Variants in EIF3G observed in about 807,000 individuals in gnomAD.
EIF3G encodes the protein eukaryotic translation initiation factor 3 RNA-binding subunit.
Under a neutral mutation model 41.7 loss-of-function variants are expected in EIF3G, and 10 were observed. The ratio of observed to expected loss-of-function variants is 0.24; its 90% CI spans 0.15 to 0.41. EIF3G has a LOEUF of 0.41. Among genes scored for constraint, EIF3G ranks in the 10% least tolerant of loss-of-function variants. The pLI, the probability that EIF3G is intolerant of heterozygous loss-of-function variation, is 1.00. For missense variants in EIF3G, 297 were observed against 444.0 expected, an observed-to-expected ratio of 0.67 and a Z score of 2.98; for synonymous variants, 204 against 172.5, an observed-to-expected ratio of 1.18 and a Z score of -1.43.
At position 10,118,681 on chromosome 19, in the gene EIF3G, A is replaced by G. The variant is rs757468530; in HGVS notation, c.287T>C (p.Val96Ala). ...RIETRKASKA[V>A]ARRKNWKKFG... ...GAAGAGCCTCACCTTCCTCCTTGCG[A>G]CAGCCTTTGAAGCCTTCCGGGTCTC... The change falls in exon 5 of 11, where the codon GTC becomes GCC. Residue 96 changes from valine (V) to alanine (A), a missense_variant. Physicochemically the swap from Val to Ala is moderately conservative, Grantham distance 64 (BLOSUM62 0). Coordinates refer to ENST00000253108, the MANE Select transcript of EIF3G (RefSeq NM_003755.5). The G allele has an allele frequency of 1.5e-5, 24 of 1,613,854 alleles. No individual in the cohort carries two copies. In the Admixed American group the frequency reaches 3.2e-4, roughly 21 times the overall value.
At chr19:10,118,581 A>G (rs79999030) in intron 5 of EIF3G, 87 bp downstream of exon 5, 4 of 1,356,536 alleles carry the variant, frequency 2.9e-6, no homozygotes, top group African/African-American at 1.5e-5. Flanking sequence ...AAAAAAAAAA[A>G]AGAGTTAAGC....
Position 10,116,308 on chromosome 19 carries a change from A to T in EIF3G, c.596-234T>A. 1 of 584,508 alleles carries T rather than the reference A, an allele frequency of 1.7e-6. No homozygotes were observed. The highest frequency in any genetic ancestry group is 2.0e-5 in the South Asian group (1 of 49,368). 36.2% of individuals were successfully genotyped at this position (584,508 alleles called of 1,614,324 possible). A position where few individuals can be genotyped will look rare whatever the true frequency, so the allele number is the denominator to read the frequency against. ...GGAGGAGGAGCCCCGACCCCACCCC[A>T]GAGAGGGCGGGAGGACAACAGGGGC... On this transcript the variant is annotated intron_variant, in intron 7 of 10. Transcript: ENST00000253108. The surrounding 1 kb of genome is among the most constrained non-coding windows in gnomAD (Gnocchi z 4.1).
In EIF3G at chr19:10,115,078, C is replaced by T; in HGVS notation, c.*36G>A. The T allele has an allele frequency of 1.2e-6, 2 of 1,613,756 alleles. No individual in the cohort carries two copies. Among genetic ancestry groups the T allele is most frequent in the Non-Finnish European group, 1.7e-6 (2 of 1,179,958 alleles). On this transcript the variant is annotated 3_prime_UTR_variant, in exon 11 of 11. Coordinates refer to ENST00000253108, the MANE Select transcript of EIF3G (RefSeq NM_003755.5). ...GCTCTCGGAGGCTGTCTTCTGTCGCCAAGGGTCCCGGACCGAGTACACAGT... is the reference window on the plus strand; with the variant it reads ...GCTCTCGGAGGCTGTCTTCTGTCGCTAAGGGTCCCGGACCGAGTACACAGT...
rs1346078472 is a variant in EIF3G at position 10,119,854 on chromosome 19, A to T, written c.6T>A (p.Pro2=). M[P]TGDFDSKPSW... ...CGCCGACTCACTCAAAGTCTCCAGT[A>T]GGCATCGCAAAAAGTATTCTCCACG... Residue 2 remains proline (P), a synonymous_variant, in exon 1 of 11, where the codon CCT becomes CCA. Transcript: ENST00000253108. 6.2e-7 allele frequency: 1 copy of T among 1,614,178 alleles called. No homozygotes were observed.
At chr19:10,115,892 T>G (rs1018700772) in intron 8 of EIF3G, 72 bp from the exon 9 acceptor site, 11 of 1,601,718 alleles carry the variant, frequency 6.9e-6, no homozygotes, top group Admixed American at 5.0e-5. Context: ...CCAGCCCTCG[T>G]GTGCACGCTT....
At chr19:10,115,195 T>A (rs1453244102) in intron 10 of EIF3G, 66 bp from the exon 11 acceptor site, 2 of 1,587,492 alleles carry the variant, frequency 1.3e-6, no homozygotes, top group Non-Finnish European at 1.7e-6. Flanking sequence ...GACACCCAAG[T>A]GGCATCTTGG....
At chr19:10,119,769 C>G in intron 1 of EIF3G, 69 bp from the exon 2 acceptor site, 5 of 1,614,000 alleles carry the variant, frequency 3.1e-6, no homozygotes, top group East Asian at 2.2e-5. Flanking sequence ...CCTCGGCGTA[C>G]CCAGGCCCCA....
chr19:10,119,313 TG>T (rs2089286260), intron 2 of EIF3G, 142 bp from the exon 3 acceptor site: 2 of 968,566 alleles, frequency 2.1e-6, no homozygotes, highest in African/African-American at 3.2e-5. Flanking sequence ...GGCAACGCAC[TG>T]GGATGGCCCT....
In EIF3G at chr19:10,115,999, C is replaced by T. The variant is rs781549844; in HGVS notation, c.671G>A (p.Arg224His). 17 of 1,613,348 alleles carry T rather than the reference C, an allele frequency of 1.1e-5. No homozygotes were observed. Among genetic ancestry groups the T allele is most frequent in the African/African-American group, 1.3e-5 (1 of 74,938 alleles). ...GTTGGGCTGCATGGACTCCCCGCGG[C>T]GGCTGGCCCCGTCGCGCAGGCTCGG... ...VPPSLRDGAS[R>H]RGESMQPNRR... The change falls in exon 8 of 11, where the codon CGC becomes CAC. Residue 224 changes from arginine (R) to histidine (H), a missense_variant. By Grantham distance (29) the Arg-to-His change is conservative. Coordinates refer to ENST00000253108, the MANE Select transcript of EIF3G (RefSeq NM_003755.5).
rs777767578 is a variant in EIF3G, at chr19:10,117,027, A to G, written c.406-38T>C. The stretch of plus-strand genomic sequence containing the variant: ...GGTTGGGGGGAGCTCAGAGGCGGCT[A>G]AGGCACCCCCTTTGCCCCACCCCAG... On this transcript the variant is annotated intron_variant, in intron 6 of 10. Coordinates refer to ENST00000253108, the MANE Select transcript of EIF3G (RefSeq NM_003755.5). 5.6e-6 allele frequency: 9 copies of G among 1,603,302 alleles called. No individual in the cohort carries two copies. In the Admixed American group the frequency reaches 1.5e-4, roughly 27 times the overall value.
Position 10,119,191 on chromosome 19 carries a change from AAGG to A in EIF3G, c.68-23_68-21del, listed in dbSNP as rs754892821. On this transcript the variant is annotated intron_variant, in intron 2 of 10. Transcript: ENST00000253108. ...ATTTGTCTGCAAAAGGCAGCGTAGG[AAGG>A]AGGAGTCAGCTCCAGGGGCAGGAGC... 73 of 1,561,976 alleles carry A rather than the reference AAGG, an allele frequency of 4.7e-5. No individual in the cohort carries two copies. Among genetic ancestry groups the A allele is most frequent in the Non-Finnish European group, 6.2e-5 (71 of 1,152,166 alleles).
chr19:10,117,856 A>G (rs2089272887), intron 5 of EIF3G, among the ~76,000 whole-genome samples: 1 of 152,056 alleles, frequency 6.6e-6, no homozygotes, highest in Non-Finnish European at 1.5e-5. Flanking sequence ...GGAGCTGGAG[A>G]CCAGCCTGGG....
In EIF3G at chr19:10,119,893, G is replaced by T. The variant is rs773803183; in HGVS notation, c.-34C>A. The T allele has an allele frequency of 1.2e-6, 2 of 1,614,062 alleles. No homozygotes were observed. Among genetic ancestry groups the T allele is most frequent in the Non-Finnish European group, 1.7e-6 (2 of 1,180,038 alleles). On this transcript the variant is annotated 5_prime_UTR_variant, in exon 1 of 11. Transcript: ENST00000253108. ...GTATTCTCCACGCAGCCCAAGCCCG[G>T]CCAGAGAGCGGAAGCGGGCGAAAAC...
chr19:10,117,410 A>G, intron 5 of EIF3G: 1 of 547,562 alleles, frequency 1.8e-6, no homozygotes. Context: ...CTCCGGGTCC[A>G]GGTGACAGCT....
At chr19:10,115,248 G>C in intron 10 of EIF3G, 119 bp from the exon 11 acceptor site, 1 of 1,356,516 alleles carries the variant, frequency 7.4e-7, no homozygotes. Context: ...GACGAAGCGG[G>C]CACGGAGCCA....
In EIF3G at chr19:10,117,237, G is replaced by A. The variant is rs926912253; in HGVS notation, c.301-49C>T. 6.9e-6 allele frequency: 10 copies of A among 1,447,620 alleles called. No homozygotes were observed. In the Admixed American group the frequency reaches 1.5e-4, roughly 22 times the overall value. The allele number at this position is 1,447,620 out of a possible 1,614,324, so 89.7% of individuals were successfully genotyped here. On this transcript the variant is annotated intron_variant, in intron 5 of 10. Coordinates refer to ENST00000253108, the MANE Select transcript of EIF3G (RefSeq NM_003755.5). Reference sequence around the variant, plus strand: ...ACAGTTGAGGGCAGGGGCAGGCTGGGTTCCACAGTGGGGTGCCCTAGACCT... The same window carrying A: ...ACAGTTGAGGGCAGGGGCAGGCTGGATTCCACAGTGGGGTGCCCTAGACCT...
intron 5 of EIF3G, 97 bp downstream of exon 5, chr19:10,118,564 CAAAAAAA>C: frequency 8.8e-6 from 8 of 913,810 alleles, no homozygotes; most frequent in South Asian, 4.7e-5. Flanking sequence ...CACTCTGTCT[CAAAAAAA>C]AAAAAAAAAA....
chr19:10,116,629 G>C lies in EIF3G; in HGVS notation c.595+171C>G. ...GCTGCCAAGTCGCACATATATGGGAGACGCCCGTCTCCCAACCATAGGAGG... is the reference window on the plus strand; with the variant it reads ...GCTGCCAAGTCGCACATATATGGGACACGCCCGTCTCCCAACCATAGGAGG... On this transcript the variant is annotated intron_variant, in intron 7 of 10. Coordinates refer to ENST00000253108, the MANE Select transcript of EIF3G (RefSeq NM_003755.5). This position sits in a 1 kb window ranked among gnomAD's most constrained non-coding sequence, Gnocchi z 4.1. 1 of 641,802 alleles carries C rather than the reference G, an allele frequency of 1.6e-6. No homozygotes were observed. Among genetic ancestry groups the C allele is most frequent in the Non-Finnish European group, 2.6e-6 (1 of 379,034 alleles). The allele number at this position is 641,802 out of a possible 1,614,324, so 39.8% of individuals were successfully genotyped here.
chr19:10,119,560 G>A (rs773695565), intron 2 of EIF3G, 94 bp downstream of exon 2: 16 of 1,428,614 alleles, frequency 1.1e-5, no homozygotes, highest in African/African-American at 1.4e-5. Context: ...AGACCGTGAC[G>A]GGGTACACGG....
Sources: gnomAD v4.1 joint callset for allele counts (sites outside exome capture counted in the v4.1 genomes callset) on GRCh38, gnomAD v4.1.1 for gene constraint, Gnocchi (gnomAD v3.1) non-coding constraint, MANE v1.5 for transcripts, NCBI Gene and HGNC (gene_info 2026-07-23, HGNC 2026-07-21) for gene names.